HYCC1: variants seen among roughly 807,000 people sequenced by gnomAD.
HYCC1 encodes hyccin.
At chr7:22,982,135 A>G in the HYCC1 span, among the ~76,000 whole-genome samples, 11 of 152,346 alleles carry the variant, frequency 7.2e-5, no homozygotes, top group Admixed American at 6.5e-4. Flanking sequence ...GTATGGCTAT[A>G]CTTACCCTAT....
the HYCC1 span, among the ~76,000 whole-genome samples, chr7:22,949,727 A>ACATT: frequency 6.6e-6 from 1 of 152,182 alleles, no homozygotes; most frequent in Non-Finnish European, 1.5e-5. Context: ...GTACCACGCA[A>ACATT]CTGAAATGTA....
chr7:22,921,664 C>G, the HYCC1 span, among the ~76,000 whole-genome samples: 1 of 152,126 alleles, frequency 6.6e-6, no homozygotes, highest in Non-Finnish European at 1.5e-5. Flanking sequence ...TCCCATAGAA[C>G]TCACATAGTG....
the HYCC1 span, among the ~76,000 whole-genome samples, chr7:22,896,829 T>C: frequency 6.6e-6 from 1 of 152,204 alleles, no homozygotes; most frequent in African/African-American, 2.4e-5. Flanking sequence ...TTTACTTCTG[T>C]CAGCCACAGA....
chr7:23,000,163 C>G, the HYCC1 span, among the ~76,000 whole-genome samples: 1 of 152,110 alleles, frequency 6.6e-6, no homozygotes, highest in Admixed American at 6.6e-5. Flanking sequence ...AAATAATCAT[C>G]CTTCTCACTG....
At chr7:23,004,148 C>T in the HYCC1 span, among the ~76,000 whole-genome samples, 1 of 152,148 alleles carries the variant, frequency 6.6e-6, no homozygotes, top group Non-Finnish European at 1.5e-5. Context: ...GTAACCTAGA[C>T]GTTGTTTTGT....
the HYCC1 span, among the ~76,000 whole-genome samples, chr7:22,896,263 G>T: frequency 6.6e-6 from 1 of 152,180 alleles, no homozygotes; most frequent in Non-Finnish European, 1.5e-5. Flanking sequence ...AACTGGAAGA[G>T]GGAAATTGAT....
At chr7:23,002,150 A>ATATATATATACACAAT in the HYCC1 span, among the ~76,000 whole-genome samples, 24 of 27,488 alleles carry the variant, frequency 8.7e-4, no homozygotes, top group African/African-American at 4.0e-3. Context: ...ATATATATAT[A>ATATATATATACACAAT]TATATATATA....
At chr7:22,967,961 T>C in the HYCC1 span, among the ~76,000 whole-genome samples, 5 of 152,146 alleles carry the variant, frequency 3.3e-5, no homozygotes, top group Admixed American at 2.0e-4. Context: ...AGCACTGCCA[T>C]CCCTCTTCCC....
chr7:22,959,959 C>T, the HYCC1 span, among the ~76,000 whole-genome samples: 1 of 152,190 alleles, frequency 6.6e-6, no homozygotes, highest in Non-Finnish European at 1.5e-5. Flanking sequence ...CTTTTGAATA[C>T]AAGCCCAAAA....
the HYCC1 span, among the ~76,000 whole-genome samples, chr7:22,919,626 G>A: frequency 2.0e-5 from 3 of 151,802 alleles, no homozygotes; most frequent in Admixed American, 6.6e-5. Context: ...AACTAATAAT[G>A]GAAATACTGG....
At chr7:22,957,035 T>C in the HYCC1 span, among the ~76,000 whole-genome samples, 13 of 152,008 alleles carry the variant, frequency 8.6e-5, no homozygotes. Flanking sequence ...TAAAATACAT[T>C]CTAGGATAGC....
the HYCC1 span, chr7:22,961,438 C>A: frequency 1.7e-6 from 1 of 590,654 alleles, no homozygotes; most frequent in African/African-American, 1.9e-5. Flanking sequence ...CATTGCTTAA[C>A]ATTCTACTCC....
chr7:23,006,215 A>C, the HYCC1 span, among the ~76,000 whole-genome samples: 2 of 152,228 alleles, frequency 1.3e-5, no homozygotes, highest in African/African-American at 2.4e-5. Flanking sequence ...GGGAGGGAAC[A>C]GAAGAGTTCA....
chr7:23,008,961 A>G, the HYCC1 span, among the ~76,000 whole-genome samples: 3 of 152,118 alleles, frequency 2.0e-5, no homozygotes, highest in Admixed American at 6.5e-5. Flanking sequence ...ATCATAAAAG[A>G]AAAATTTGAT....
chr7:22,996,433 A>G, the HYCC1 span, among the ~76,000 whole-genome samples: 1 of 151,904 alleles, frequency 6.6e-6, no homozygotes, highest in African/African-American at 2.4e-5. Context: ...TTTTAGATTC[A>G]GGAGGTACAT....
the HYCC1 span, among the ~76,000 whole-genome samples, chr7:22,908,369 G>A: frequency 6.6e-6 from 1 of 152,178 alleles, no homozygotes; most frequent in South Asian, 2.1e-4. Flanking sequence ...GTATGGCACT[G>A]TTGTGAAACA....
At chr7:22,962,985 T>G in the HYCC1 span, among the ~76,000 whole-genome samples, 1 of 152,100 alleles carries the variant, frequency 6.6e-6, no homozygotes, top group Admixed American at 6.5e-5. Flanking sequence ...TAGAGGAATT[T>G]GAAGTAGATG....
the HYCC1 span, chr7:22,976,693 C>T: frequency 7.0e-6 from 11 of 1,565,456 alleles, no homozygotes; most frequent in Admixed American, 3.3e-5. Flanking sequence ...CACAGTATAC[C>T]GATTCTGTGC....
chr7:22,946,145 C>T, the HYCC1 span: 2 of 1,612,306 alleles, frequency 1.2e-6, no homozygotes, highest in African/African-American at 1.3e-5. Flanking sequence ...TTCTTCTTGA[C>T]CTGTTAATTC....
Sources: allele counts gnomAD v4.1 joint callset (sites outside exome capture counted in the v4.1 genomes callset), GRCh38; gene constraint gnomAD v4.1.1; transcripts MANE v1.5; gene names NCBI Gene and HGNC (gene_info 2026-07-23, HGNC 2026-07-21).